EHMT1: variants seen among roughly 807,000 people sequenced by gnomAD.
EHMT1 encodes the protein histone-lysine N-methyltransferase EHMT1.
EHMT1 carries 15 observed loss-of-function variants against 147.2 expected under a neutral mutation model. That is an observed-to-expected ratio of 0.10 (90% CI 0.07 to 0.16). EHMT1 has a LOEUF of 0.16. Among genes scored for constraint, EHMT1 ranks in the 10% least tolerant of loss-of-function variants. The pLI is 1.00. For missense variants in EHMT1, 1,587 were observed against 1,772.4 expected (o/e 0.90, Z 1.88); for synonymous variants, 795 against 709.6 (o/e 1.12, Z -1.91).
At chr9:137,631,989 A>G (rs3003373) in intron 1 of EHMT1, among the ~76,000 whole-genome samples, 1,935 of 152,296 alleles carry the variant, frequency 0.013, 39 homozygotes, top group African/African-American at 0.044. Flanking sequence ...GTTCAGACGC[A>G]CATGTGTCAT....
Position 137,782,718 on chromosome 9 carries a change from G to A in EHMT1, c.2382+321G>A, listed in dbSNP as rs572062286. 3.3e-5 allele frequency among the ~76,000 whole-genome samples: 5 copies of A among 152,272 alleles called. No homozygotes were observed. The East Asian group carries it at 5.8e-4, about 18-fold the overall frequency. ...GCCAAGCACTCGCAGAGGCACGGAC[G>A]CCCCTCCCCCAGCCCCGTTGACTGG... On this transcript the variant is annotated intron_variant, in intron 15 of 26. Coordinates refer to ENST00000460843, the MANE Select transcript of EHMT1 (RefSeq NM_024757.5). This position sits in a 1 kb window ranked among gnomAD's most constrained non-coding sequence, Gnocchi z 5.7.
At chr9:137,661,649 CT>C (rs201273842) in intron 1 of EHMT1, among the ~76,000 whole-genome samples, 2,052 of 152,018 alleles carry the variant, frequency 0.013, 41 homozygotes, top group African/African-American at 0.046. Context: ...CCATGCCTGG[CT>C]AATTTTTGTA....
At chr9:137,833,829 C>G (rs1956396432) in intron 25 of EHMT1, among the ~76,000 whole-genome samples, 1 of 152,240 alleles carries the variant, frequency 6.6e-6, no homozygotes, top group African/African-American at 2.4e-5. Context: ...CTCCGCCTGA[C>G]GGTCCTCCCT....
intron 1 of EHMT1, among the ~76,000 whole-genome samples, chr9:137,689,941 A>G (rs118182530): frequency 0.019 from 2,837 of 152,226 alleles, 45 homozygotes; most frequent in Middle Eastern, 0.034. Flanking sequence ...GAGGCCGAGG[A>G]ACTCTGGTCA....
At chr9:137,651,672 A>T (rs1011124231) in intron 1 of EHMT1, among the ~76,000 whole-genome samples, 1 of 152,158 alleles carries the variant, frequency 6.6e-6, no homozygotes, top group South Asian at 2.1e-4. Context: ...GCACACACTT[A>T]TAATCCCAGC....
At chr9:137,797,187 C>T (rs1271317929) in intron 16 of EHMT1, among the ~76,000 whole-genome samples, 1 of 152,146 alleles carries the variant, frequency 6.6e-6, no homozygotes, top group Non-Finnish European at 1.5e-5. Context: ...GCTCCAGTGT[C>T]TTGAGCTTCT....
At chr9:137,777,277 TGAAA>T (rs2136696274) in intron 12 of EHMT1, 1 of 200,604 alleles carries the variant, frequency 5.0e-6, no homozygotes, top group African/African-American at 2.4e-5. Flanking sequence ...ATTGTCTTCC[TGAAA>T]GAGTCCAGTA....
intron 4 of EHMT1, among the ~76,000 whole-genome samples, chr9:137,740,020 G>A (rs1011957509): frequency 3.9e-5 from 6 of 152,134 alleles, no homozygotes; most frequent in East Asian, 1.9e-4. Flanking sequence ...TGGTGACCAC[G>A]CAGACTGCTG....
intron 21 of EHMT1, among the ~76,000 whole-genome samples, chr9:137,814,043 G>A (rs1199639145): frequency 4.0e-5 from 5 of 124,892 alleles, no homozygotes; most frequent in African/African-American, 1.7e-4. Context: ...TTCCCAGGCC[G>A]GGCACTGCCC....
intron 18 of EHMT1, among the ~76,000 whole-genome samples, chr9:137,802,257 A>G (rs888297305): frequency 3.3e-5 from 5 of 152,180 alleles, no homozygotes; most frequent in Non-Finnish European, 5.9e-5. Flanking sequence ...GACACACTGC[A>G]GCCCACAGAG....
chr9:137,823,964 C>T (rs917297038), intron 25 of EHMT1, among the ~76,000 whole-genome samples: 1 of 152,254 alleles, frequency 6.6e-6, no homozygotes, highest in Non-Finnish European at 1.5e-5. Context: ...TGAATATTTT[C>T]TTAGTCTGTG....
At chr9:137,829,419 C>T (rs894520166) in intron 25 of EHMT1, among the ~76,000 whole-genome samples, 2 of 152,160 alleles carry the variant, frequency 1.3e-5, no homozygotes, top group African/African-American at 4.8e-5. Context: ...TAGTATCTTG[C>T]TTTATTTGTT....
chr9:137,634,273 G>A (rs1843820187), intron 1 of EHMT1, among the ~76,000 whole-genome samples: 2 of 152,134 alleles, frequency 1.3e-5, no homozygotes, highest in Admixed American at 1.3e-4. Flanking sequence ...AATTTGCATA[G>A]TTTTAGCTCT....
chr9:137,823,323 C>T (rs2132932926), intron 25 of EHMT1, among the ~76,000 whole-genome samples: 1 of 151,144 alleles, frequency 6.6e-6, no homozygotes, highest in South Asian at 2.1e-4. Context: ...TGGTCTCGAT[C>T]TCCTGACCTT....
At chr9:137,626,249 G>T (rs1843249591) in intron 1 of EHMT1, among the ~76,000 whole-genome samples, 1 of 151,266 alleles carries the variant, frequency 6.6e-6, no homozygotes, top group African/African-American at 2.4e-5. Flanking sequence ...TAGTATCTTT[G>T]CTTATTTATT....
At chr9:137,812,423 T>G (rs1390189298) in intron 19 of EHMT1, among the ~76,000 whole-genome samples, 2 of 152,212 alleles carry the variant, frequency 1.3e-5, no homozygotes, top group Non-Finnish European at 2.9e-5. Flanking sequence ...TGGCCTGGGA[T>G]GGAGTGTGTG....
At chr9:137,679,530 G>C (rs903976493) in intron 1 of EHMT1, among the ~76,000 whole-genome samples, 1 of 152,188 alleles carries the variant, frequency 6.6e-6, no homozygotes, top group Non-Finnish European at 1.5e-5. Context: ...GGCGCTGGGA[G>C]GTGTTTCCTC....
intron 1 of EHMT1, among the ~76,000 whole-genome samples, chr9:137,692,970 C>T (rs898656980): frequency 6.6e-6 from 1 of 152,154 alleles, no homozygotes; most frequent in African/African-American, 2.4e-5. Flanking sequence ...AAGGGTTGTC[C>T]TTGGAATCGG....
intron 22 of EHMT1, among the ~76,000 whole-genome samples, chr9:137,815,166 C>T (rs1954820909): frequency 6.6e-6 from 1 of 152,042 alleles, no homozygotes; most frequent in Non-Finnish European, 1.5e-5. Context: ...GGCGTCCCCT[C>T]TGGAAGCAGA....
Sources: allele counts gnomAD v4.1 joint callset (sites outside exome capture counted in the v4.1 genomes callset), GRCh38; gene constraint gnomAD v4.1.1; non-coding constraint Gnocchi (gnomAD v3.1); transcripts MANE v1.5; gene names NCBI Gene and HGNC (gene_info 2026-07-23, HGNC 2026-07-21).